The following TBC1D30 variants were observed in gnomAD, a reference collection of about 807,000 sequenced individuals.
The protein encoded by TBC1D30 is TBC1 domain family, member 30.
TBC1D30 carries 31 observed loss-of-function variants against 63.2 expected under a neutral mutation model. That is an observed-to-expected ratio of 0.49 (90% CI 0.37 to 0.66). The LOEUF is 0.66. TBC1D30 is among the 30% of genes least tolerant of loss of function. The pLI is 0.00. For synonymous variants in TBC1D30, 307 were observed against 361.5 expected, an observed-to-expected ratio of 0.85 and a Z score of 1.71; for missense variants, 810 against 953.6, an observed-to-expected ratio of 0.85 and a Z score of 1.98.
intron 8 of TBC1D30, 47 bp downstream of exon 8, chr12:64,843,532 G>C: frequency 4.2e-6 from 6 of 1,419,636 alleles, no homozygotes; most frequent in Non-Finnish European, 5.8e-6. Flanking sequence ...CCCCGGGCAC[G>C]GTGGGAACAA....
intron 2 of TBC1D30, among the ~76,000 whole-genome samples, chr12:64,813,263 G>A (rs898634632): frequency 6.6e-5 from 10 of 152,018 alleles, no homozygotes; most frequent in Admixed American, 3.9e-4. Context: ...GGTGGTGCAC[G>A]CCTGTAGTCC....
exon 1 of TBC1D30, chr12:64,780,849 G>A (rs879757817): frequency 5.0e-6 from 5 of 1,002,168 alleles, no homozygotes; most frequent in Non-Finnish European, 6.0e-6. Flanking sequence ...CCGGGGCTCC[G>A]GACGGAGCTG....
At chr12:64,842,194 C>T (rs1875939327) in intron 7 of TBC1D30, among the ~76,000 whole-genome samples, 2 of 152,034 alleles carry the variant, frequency 1.3e-5, no homozygotes, top group African/African-American at 2.4e-5. Flanking sequence ...CCCATCTCTA[C>T]TAAAAATACA....
chr12:64,842,923 G>A (rs896026332), intron 7 of TBC1D30, among the ~76,000 whole-genome samples: 1 of 152,158 alleles, frequency 6.6e-6, no homozygotes, highest in African/African-American at 2.4e-5. Flanking sequence ...ATTTTTAAAT[G>A]TTTCATCCAC....
chr12:64,842,008 C>A (rs1193962382), intron 7 of TBC1D30, among the ~76,000 whole-genome samples: 2 of 151,826 alleles, frequency 1.3e-5, no homozygotes, highest in Non-Finnish European at 2.9e-5. Context: ...TGTAGGTCTT[C>A]TGGTTGGTGG....
At chr12:64,828,394 C>T in intron 2 of TBC1D30, 50 bp from the exon 3 acceptor site, 6 of 1,339,212 alleles carry the variant, frequency 4.5e-6, no homozygotes, top group Non-Finnish European at 6.2e-6. Flanking sequence ...TTGCAAAGTG[C>T]TTATCTAGGT....
At chr12:64,865,130 A>G (rs1408755746) in intron 9 of TBC1D30, among the ~76,000 whole-genome samples, 1 of 151,526 alleles carries the variant, frequency 6.6e-6, no homozygotes, top group East Asian at 1.9e-4. Flanking sequence ...CAATTGATAA[A>G]GAGTTTATCA....
At chr12:64,826,497 C>G (rs1458912528) in intron 1 of TBC1D30, among the ~76,000 whole-genome samples, 1 of 152,138 alleles carries the variant, frequency 6.6e-6, no homozygotes, top group Non-Finnish European at 1.5e-5. Context: ...TTATACGCTC[C>G]TCCATTCAGC....
At chr12:64,800,140 A>G (rs1872520695) in intron 2 of TBC1D30, among the ~76,000 whole-genome samples, 1 of 152,124 alleles carries the variant, frequency 6.6e-6, no homozygotes, top group Non-Finnish European at 1.5e-5. Flanking sequence ...CCTGATAGAA[A>G]TGTGCCCTGT....
At chr12:64,788,541 G>A (rs1243522621) in intron 2 of TBC1D30, among the ~76,000 whole-genome samples, 1 of 152,098 alleles carries the variant, frequency 6.6e-6, no homozygotes, top group Non-Finnish European at 1.5e-5. Flanking sequence ...GGATTCTATT[G>A]TTAGTTACTA....
At chr12:64,781,247 C>T (rs1871268234) in exon 1 of TBC1D30, 4 of 1,157,502 alleles carry the variant, frequency 3.5e-6, no homozygotes, top group East Asian at 1.0e-4. Flanking sequence ...GCAGGAGCGA[C>T]CGAGCCAGCG....
chr12:64,813,366 G>T (rs1345058668), intron 2 of TBC1D30, among the ~76,000 whole-genome samples: 3 of 151,980 alleles, frequency 2.0e-5, no homozygotes, highest in African/African-American at 7.3e-5. Flanking sequence ...CTCCAGCCTG[G>T]GCGACAGAGC....
chr12:64,799,102 G>C (rs897608603), intron 2 of TBC1D30, among the ~76,000 whole-genome samples: 2 of 151,950 alleles, frequency 1.3e-5, no homozygotes, highest in Non-Finnish European at 2.9e-5. Flanking sequence ...CCTTTCTTAA[G>C]AGCAGGGATG....
At chr12:64,874,036 C>T (rs115270984) in intron 11 of TBC1D30, among the ~76,000 whole-genome samples, 114 of 152,224 alleles carry the variant, frequency 7.5e-4, no homozygotes, top group African/African-American at 2.6e-3. Context: ...TGGTCATAGC[C>T]GCAGGTGGTC....
intron 1 of TBC1D30, among the ~76,000 whole-genome samples, chr12:64,763,874 C>T (rs1017999272): frequency 6.6e-6 from 1 of 152,134 alleles, no homozygotes; most frequent in Non-Finnish European, 1.5e-5. Context: ...AGGTGATCCA[C>T]CCACCTTGGC....
At position 64,880,114 on chromosome 12, in the gene TBC1D30, A is replaced by G. The variant is rs1414446086; in HGVS notation, c.*4326A>G. On this transcript the variant is annotated 3_prime_UTR_variant, in exon 12 of 12. Coordinates refer to ENST00000539867, the MANE Select transcript of TBC1D30 (RefSeq NM_015279.2). Reference sequence around the variant, plus strand: ...ATCTGTTATCCACATCAGGCAGCTCAGAGTAAAGTCAGCAAGTCTACAGTC... The same window carrying G: ...ATCTGTTATCCACATCAGGCAGCTCGGAGTAAAGTCAGCAAGTCTACAGTC... 2 of 152,238 alleles carry G rather than the reference A, an allele frequency of 1.3e-5. No homozygotes were observed. The highest frequency in any genetic ancestry group is 4.8e-5 in the African/African-American group (2 of 41,472). The allele number at this position is 152,238 out of a possible 1,614,324, so 9.4% of individuals were successfully genotyped here. A position where few individuals can be genotyped will look rare whatever the true frequency, so the allele number is the denominator to read the frequency against.
At chr12:64,770,549 C>A (rs1018142674) in intron 1 of TBC1D30, among the ~76,000 whole-genome samples, 1 of 152,138 alleles carries the variant, frequency 6.6e-6, no homozygotes, top group African/African-American at 2.4e-5. Context: ...ACTTTGGGGC[C>A]CTTAAGTGCC....
intron 8 of TBC1D30, among the ~76,000 whole-genome samples, chr12:64,858,861 G>C (rs77554894): frequency 2.0e-5 from 3 of 152,180 alleles, no homozygotes; most frequent in Non-Finnish European, 4.4e-5. Flanking sequence ...GTGCGTCGAG[G>C]GAGGTGTGCA....
chr12:64,864,568 C>T lies in TBC1D30; in HGVS notation c.1039-100C>T, dbSNP rs552213526. ...GCTGTGTAAGGAGCAGTATCTGCCTCTTCACACTCGACTTCATAAAACTTT... is the reference window on the plus strand; with the variant it reads ...GCTGTGTAAGGAGCAGTATCTGCCTTTTCACACTCGACTTCATAAAACTTT... On this transcript the variant is annotated intron_variant, in intron 8 of 11. Transcript: ENST00000539867. 5.0e-5 allele frequency: 39 copies of T among 787,732 alleles called. No individual in the cohort carries two copies. In the African/African-American group the frequency reaches 6.0e-4, roughly 12 times the overall value. The allele number at this position is 787,732 out of a possible 1,614,324, so 48.8% of individuals were successfully genotyped here.
Sources: allele counts gnomAD v4.1 joint callset (sites outside exome capture counted in the v4.1 genomes callset), GRCh38; gene constraint gnomAD v4.1.1; transcripts MANE v1.5; gene names NCBI Gene and HGNC (gene_info 2026-07-23, HGNC 2026-07-21).